The following IFNAR1 variants were observed in gnomAD, a reference collection of about 807,000 sequenced individuals.
IFNAR1 encodes the protein interferon alpha/beta receptor 1.
Under a neutral mutation model 62.1 loss-of-function variants are expected in IFNAR1, and 47 were observed. That is an observed-to-expected ratio of 0.76 (90% CI 0.60 to 0.97). IFNAR1 has a LOEUF of 0.97. Among genes scored for constraint, IFNAR1 ranks in the 50% least tolerant of loss-of-function variants. The pLI, the probability that IFNAR1 is intolerant of heterozygous loss-of-function variation, is 0.00. For missense variants in IFNAR1, 638 were observed against 654.5 expected (o/e 0.97, Z 0.27); for synonymous variants, 219 against 226.9 (o/e 0.97, Z 0.31).
intron 3 of IFNAR1, among the ~76,000 whole-genome samples, chr21:33,342,915 A>G (rs1020765628): frequency 6.7e-5 from 10 of 148,530 alleles, no homozygotes; most frequent in Non-Finnish European, 1.3e-4. Flanking sequence ...CACAATGCCA[A>G]GCAAATTCCC....
intron 10 of IFNAR1, among the ~76,000 whole-genome samples, chr21:33,354,525 T>C (rs895431322): frequency 2.0e-5 from 3 of 152,146 alleles, no homozygotes; most frequent in African/African-American, 7.2e-5. Context: ...GATGAAATCA[T>C]ACAAAATGAA....
chr21:33,334,542 A>G (rs141618713), intron 1 of IFNAR1: 7,830 of 474,332 alleles, frequency 0.017, 88 homozygotes, highest in Non-Finnish European at 0.023. Context: ...AAGGGAGTTC[A>G]TTACCGCTAG....
At chr21:33,341,843 G>A (rs1028448854) in intron 3 of IFNAR1, among the ~76,000 whole-genome samples, 1 of 151,930 alleles carries the variant, frequency 6.6e-6, no homozygotes, top group African/African-American at 2.4e-5. Flanking sequence ...CACCATGCCT[G>A]GCCAATTTTG....
chr21:33,341,236 T>A, intron 3 of IFNAR1, 62 bp downstream of exon 3: 1 of 1,300,992 alleles, frequency 7.7e-7, no homozygotes, highest in East Asian at 2.3e-5. Flanking sequence ...CAGTTCACTT[T>A]CCAAGCCATT....
chr21:33,348,694 CAG>C (rs2083371434), intron 6 of IFNAR1, among the ~76,000 whole-genome samples: 1 of 151,896 alleles, frequency 6.6e-6, no homozygotes, highest in African/African-American at 2.4e-5. Flanking sequence ...CCCAGCTACT[CAG>C]GGGGACAGAG....
At chr21:33,350,767 C>A (rs576998930) in intron 8 of IFNAR1, among the ~76,000 whole-genome samples, 174 of 152,284 alleles carry the variant, frequency 1.1e-3, no homozygotes, top group African/African-American at 4.0e-3. Context: ...TGTCTGACAA[C>A]CCTGTAACCA....
chr21:33,334,655 G>A, intron 1 of IFNAR1: 1 of 770,020 alleles, frequency 1.3e-6, no homozygotes, highest in Admixed American at 1.9e-5. Context: ...TGGCTTCTGG[G>A]GAAGACCCAG....
Position 33,359,065 on chromosome 21 carries a change from T to C in IFNAR1, c.*3516T>C, listed in dbSNP as rs1423154371. ...AGAGGCTCCAAGAAAACAGGGACCT[T>C]ATTATTCATTACTGCATCCCCAGTA... On this transcript the variant is annotated 3_prime_UTR_variant, in exon 11 of 11. Coordinates refer to ENST00000270139, the MANE Select transcript of IFNAR1 (RefSeq NM_000629.3). 2 of 152,112 alleles carry C rather than the reference T, an allele frequency of 1.3e-5. No individual in the cohort carries two copies. The highest frequency in any genetic ancestry group is 2.9e-5 in the Non-Finnish European group (2 of 68,022). The allele number at this position is 152,112 out of a possible 1,614,324, so 9.4% of individuals were successfully genotyped here.
At position 33,357,667 on chromosome 21, in the gene IFNAR1, G is replaced by GTGC. The variant is rs2083462094; in HGVS notation, c.*2119_*2121dup. 1 of 152,082 alleles carries GTGC rather than the reference G, an allele frequency of 6.6e-6. No homozygotes were observed. The highest frequency in any genetic ancestry group is 2.4e-5 in the African/African-American group (1 of 41,370). 9.4% of individuals were successfully genotyped at this position (152,082 alleles called of 1,614,324 possible). A position where few individuals can be genotyped will look rare whatever the true frequency, so the allele number is the denominator to read the frequency against. On this transcript the variant is annotated 3_prime_UTR_variant, in exon 11 of 11. Transcript: ENST00000270139. ...GCCTCCAGAGTAGCTGGGATAACAG[G>GTGC]TGCCCACCACCACACCCCACTAATT...
intron 2 of IFNAR1, among the ~76,000 whole-genome samples, chr21:33,337,686 C>CTGTATACATACACATACACACATTG (rs2083252246): frequency 1.7e-5 from 1 of 58,534 alleles, no homozygotes; most frequent in Non-Finnish European, 3.7e-5. Flanking sequence ...ATAATACATA[C>CTGTATACATACACATACACACATTG]TGTATACATA....
Position 33,343,275 on chromosome 21 carries a change from T to C in IFNAR1, c.384T>C (p.Ile128=), listed in dbSNP as rs2083311314. The C allele has an allele frequency of 3.7e-6, 6 of 1,611,156 alleles. No homozygotes were observed. Among genetic ancestry groups the C allele is most frequent in the Non-Finnish European group, 5.1e-6 (6 of 1,178,980 alleles). The change falls in exon 4 of 11, where the codon ATT becomes ATC. Residue 128 remains isoleucine (I), a synonymous_variant. Transcript: ENST00000270139. The stretch of plus-strand genomic sequence containing the variant: ...GTTTTGATTTTTTTGCAGCTCAGAT[T>C]GGTCCTCCAGAAGTACATTTAGAAG... ...DSFTPFRKAQ[I]GPPEVHLEAE...
chr21:33,356,174 C>G lies in IFNAR1; in HGVS notation c.*625C>G, dbSNP rs1204702794. On this transcript the variant is annotated 3_prime_UTR_variant, in exon 11 of 11. Coordinates refer to ENST00000270139, the MANE Select transcript of IFNAR1 (RefSeq NM_000629.3). ...GTGAGCCTAAGTGCAGCCGTGCTAG[C>G]TGCGCACCGTGGCTAAGGATGACGT... 1.3e-5 allele frequency: 2 copies of G among 152,248 alleles called. No homozygotes were observed. The highest frequency in any genetic ancestry group is 4.8e-5 in the African/African-American group (2 of 41,464). 9.4% of individuals were successfully genotyped at this position (152,248 alleles called of 1,614,324 possible).
At chr21:33,347,483 T>G (rs2083360759) in intron 6 of IFNAR1, among the ~76,000 whole-genome samples, 1 of 152,082 alleles carries the variant, frequency 6.6e-6, no homozygotes, top group East Asian at 1.9e-4. Context: ...GCCAGGCTGT[T>G]CGCAAACTCC....
chr21:33,328,255 G>A (rs1029704810), intron 1 of IFNAR1, among the ~76,000 whole-genome samples: 1 of 152,226 alleles, frequency 6.6e-6, no homozygotes, highest in Non-Finnish European at 1.5e-5. Flanking sequence ...GAGGCCTGCA[G>A]ATAGCAGGCT....
At chr21:33,340,870 A>G in intron 2 of IFNAR1, 129 bp from the exon 3 acceptor site, 1 of 621,380 alleles carries the variant, frequency 1.6e-6, no homozygotes. Flanking sequence ...TTAAACCAAA[A>G]ATAGAAATAA....
Position 33,345,458 on chromosome 21 carries a change from C to T in IFNAR1, c.788+98C>T, listed in dbSNP as rs950939553. Reference sequence around the variant, plus strand: ...ACCAGGTCCTTGCACACAGAATGACCGACTGGGAGGTGGGTACGATATATT... The same window carrying T: ...ACCAGGTCCTTGCACACAGAATGACTGACTGGGAGGTGGGTACGATATATT... On this transcript the variant is annotated intron_variant, in intron 6 of 10. Coordinates refer to ENST00000270139, the MANE Select transcript of IFNAR1 (RefSeq NM_000629.3). 7.0e-5 allele frequency: 51 copies of T among 726,152 alleles called. No homozygotes were observed. The East Asian group carries it at 1.2e-3, about 17-fold the overall frequency. The allele number at this position is 726,152 out of a possible 1,614,324, so 45.0% of individuals were successfully genotyped here. A position where few individuals can be genotyped will look rare whatever the true frequency, so the allele number is the denominator to read the frequency against.
chr21:33,332,701 A>G (rs1407450692), intron 1 of IFNAR1, among the ~76,000 whole-genome samples: 2 of 152,230 alleles, frequency 1.3e-5, no homozygotes, highest in African/African-American at 4.8e-5. Flanking sequence ...CAAATCCTAC[A>G]GTTGAAGAAT....
intron 1 of IFNAR1, among the ~76,000 whole-genome samples, chr21:33,326,970 G>A (rs1043674054): frequency 5.9e-5 from 9 of 152,158 alleles, no homozygotes; most frequent in African/African-American, 2.2e-4. Flanking sequence ...ATCAGGGCTA[G>A]CATCCCAGTG....
rs1443799693 is a variant in IFNAR1, at chr21:33,345,256, AC to A, written c.685del (p.Leu229TyrfsTer7). The A allele has an allele frequency of 6.4e-7, 1 of 1,555,514 alleles. No homozygotes were observed. Among genetic ancestry groups the A allele is most frequent in the African/African-American group, 1.4e-5 (1 of 73,600 alleles). The stretch of plus-strand genomic sequence containing the variant: ...TTCTTTGGCTTCTAGTTGAAAATGA[AC>A]TACCTCCACCAGAAAATATAGAAGT... ...HCIKTTVENE[L>X]PPPENIEVSV... On this transcript the variant is annotated frameshift_variant, in exon 6 of 11. Coordinates refer to ENST00000270139, the MANE Select transcript of IFNAR1 (RefSeq NM_000629.3). LOFTEE classifies it high-confidence loss of function.
Sources: gnomAD v4.1 joint callset for allele counts (sites outside exome capture counted in the v4.1 genomes callset) on GRCh38, gnomAD v4.1.1 for gene constraint, MANE v1.5 for transcripts, NCBI Gene and HGNC (gene_info 2026-07-23, HGNC 2026-07-21) for gene names.